Variants in PSIP1 observed in about 807,000 individuals in gnomAD.
PSIP1 encodes PC4 and SFRS1-interacting protein.
Under a neutral mutation model 74.7 loss-of-function variants are expected in PSIP1, and 19 were observed. The ratio of observed to expected loss-of-function variants is 0.25; its 90% confidence interval spans 0.18 to 0.37. PSIP1 has a LOEUF of 0.37. Ranked by LOEUF, PSIP1 falls within the 10% of genes least tolerant of loss-of-function variation. The probability of loss-of-function intolerance (pLI) is 1.00; values close to 1 mark genes in which losing one functional copy is unlikely to be tolerated. For missense variants in PSIP1, 601 were observed against 614.3 expected (o/e 0.98, Z 0.23); for synonymous variants, 222 against 195.3 (o/e 1.14, Z -1.14).
At chr9:15,482,027 A>T (rs1400580035) in intron 6 of PSIP1, among the ~76,000 whole-genome samples, 1 of 152,172 alleles carries the variant, frequency 6.6e-6, no homozygotes, top group African/African-American at 2.4e-5. Flanking sequence ...TATTTCTTCC[A>T]TATTTTACTT....
chr9:15,464,421 C>T lies in PSIP1; in HGVS notation c.*1099G>A, dbSNP rs958414995. The T allele has an allele frequency of 1.0e-5, 2 of 197,910 alleles. No homozygotes were observed. The highest frequency in any genetic ancestry group is 2.1e-5 in the Non-Finnish European group (2 of 95,718). The allele number at this position is 197,910 out of a possible 1,614,324, so 12.3% of individuals were successfully genotyped here. A position where few individuals can be genotyped will look rare whatever the true frequency, so the allele number is the denominator to read the frequency against. Reference sequence around the variant, plus strand: ...ATTCAAAATATCTTAGAAATGCTATCCTTTAGTTAACATACCCTTAAATTT... The same window carrying T: ...ATTCAAAATATCTTAGAAATGCTATTCTTTAGTTAACATACCCTTAAATTT... On this transcript the variant is annotated 3_prime_UTR_variant, in exon 16 of 16. Coordinates refer to ENST00000380733, the MANE Select transcript of PSIP1 (RefSeq NM_033222.5).
rs762451358 is a variant in PSIP1, at chr9:15,471,342, G to T, written c.977+1290C>A. 5.1e-6 allele frequency: 8 copies of T among 1,564,918 alleles called. No individual in the cohort carries two copies. In the South Asian group the frequency reaches 9.0e-5, roughly 18 times the overall value. ...CAAGTACAAAGTTTTGTAATAACAGGAGAAGGAAAGAAAACACAAATATTA... is the reference window on the plus strand; with the variant it reads ...CAAGTACAAAGTTTTGTAATAACAGTAGAAGGAAAGAAAACACAAATATTA... On this transcript the variant is annotated intron_variant, in intron 10 of 15. Coordinates refer to ENST00000380733, the MANE Select transcript of PSIP1 (RefSeq NM_033222.5).
chr9:15,472,064 C>T lies in PSIP1; in HGVS notation c.977+568G>A, dbSNP rs142959826. 9,097 of 977,686 alleles carry T rather than the reference C, an allele frequency of 9.3e-3. 51 individuals are homozygous for T. The highest frequency in any genetic ancestry group is 0.01 in the Non-Finnish European group (8,545 of 823,120). 60.6% of individuals were successfully genotyped at this position (977,686 alleles called of 1,614,324 possible). On this transcript the variant is annotated intron_variant, in intron 10 of 15. Transcript: ENST00000380733. ...ATTATATAGTAAGGGGAAAGAAATT[C>T]CCCATGGCAAGTCCTGTCTCTATAA...
intron 6 of PSIP1, 26 bp from the exon 7 acceptor site, chr9:15,479,713 T>C: frequency 3.1e-6 from 5 of 1,588,028 alleles, no homozygotes; most frequent in Middle Eastern, 1.7e-4. Context: ...TTAATTAACT[T>C]ATTTAGCAAA....
chr9:15,491,305 A>T (rs1032683754), intron 3 of PSIP1, among the ~76,000 whole-genome samples: 3 of 152,240 alleles, frequency 2.0e-5, no homozygotes, highest in Non-Finnish European at 4.4e-5. Flanking sequence ...ATGGCAATAA[A>T]CAGACTGCAA....
chr9:15,467,151 A>T (rs1355846770), intron 14 of PSIP1, among the ~76,000 whole-genome samples: 2 of 152,224 alleles, frequency 1.3e-5, no homozygotes, highest in Non-Finnish European at 2.9e-5. Context: ...TAATCTGATT[A>T]TTCTGGTTGT....
In PSIP1 at chr9:15,504,135, A is replaced by T. The variant is rs374463007; in HGVS notation, c.149+2426T>A. Reference sequence around the variant, plus strand: ...TTTTCCAAAGATAAATGGTATAATCATAAGAACACTAAGGCAAAAACCAAG... The same window carrying T: ...TTTTCCAAAGATAAATGGTATAATCTTAAGAACACTAAGGCAAAAACCAAG... On this transcript the variant is annotated intron_variant, in intron 3 of 15. Transcript: ENST00000380733. Among the ~76,000 whole-genome samples, 5 of 152,340 alleles carry T rather than the reference A, an allele frequency of 3.3e-5. No individual in the cohort carries two copies. In the East Asian group the frequency reaches 7.7e-4, roughly 23 times the overall value.
At chr9:15,471,525 C>A (rs558851575) in intron 10 of PSIP1, 2 of 976,220 alleles carry the variant, frequency 2.0e-6, no homozygotes, top group Non-Finnish European at 2.4e-6. Context: ...AACAAACAGT[C>A]CAACAGCTTT....
chr9:15,494,033 A>G (rs555597874), intron 3 of PSIP1, among the ~76,000 whole-genome samples: 4 of 152,318 alleles, frequency 2.6e-5, no homozygotes, highest in Non-Finnish European at 4.4e-5. Flanking sequence ...GTATGTTGAT[A>G]ATTTTACTAT....
Position 15,471,714 on chromosome 9 carries a change from A to G in PSIP1, c.977+918T>C, listed in dbSNP as rs546179101. On this transcript the variant is annotated intron_variant, in intron 10 of 15. Coordinates refer to ENST00000380733, the MANE Select transcript of PSIP1 (RefSeq NM_033222.5). Reference sequence around the variant, plus strand: ...ATCCTCCAAACTAAGAAAGCAGAGTAAAACGCTGTACTTGTCAAGAAAGAC... The same window carrying G: ...ATCCTCCAAACTAAGAAAGCAGAGTGAAACGCTGTACTTGTCAAGAAAGAC... The G allele has an allele frequency of 5.2e-6, 5 of 965,862 alleles. No homozygotes were observed. In the African/African-American group the frequency reaches 8.8e-5, roughly 17 times the overall value. 59.8% of individuals were successfully genotyped at this position (965,862 alleles called of 1,614,324 possible).
In PSIP1 at chr9:15,465,375, C is replaced by CT; in HGVS notation, c.*144dup. On this transcript the variant is annotated 3_prime_UTR_variant, in exon 16 of 16. Coordinates refer to ENST00000380733, the MANE Select transcript of PSIP1 (RefSeq NM_033222.5). ...ACACTTAGCGATAATGTTTACTTTA[C>CT]TTTAAAACAAAGGGATTTTCTCCCT... The CT allele has an allele frequency of 1.5e-6, 1 of 679,310 alleles. No homozygotes were observed. The highest frequency in any genetic ancestry group is 2.5e-6 in the Non-Finnish European group (1 of 404,892). The allele number at this position is 679,310 out of a possible 1,614,324, so 42.1% of individuals were successfully genotyped here. A position where few individuals can be genotyped will look rare whatever the true frequency, so the allele number is the denominator to read the frequency against.
At chr9:15,503,951 T>C (rs932559829) in intron 3 of PSIP1, among the ~76,000 whole-genome samples, 3 of 152,132 alleles carry the variant, frequency 2.0e-5, no homozygotes, top group African/African-American at 4.8e-5. Context: ...TTCACTATAT[T>C]GGCCAAAGTG....
chr9:15,509,146 T>C (rs2037734169), intron 2 of PSIP1, among the ~76,000 whole-genome samples: 1 of 152,218 alleles, frequency 6.6e-6, no homozygotes, highest in African/African-American at 2.4e-5. Flanking sequence ...CTACAGAATT[T>C]AATTATTTTT....
intron 3 of PSIP1, among the ~76,000 whole-genome samples, chr9:15,492,731 A>G (rs1586835737): frequency 6.9e-6 from 1 of 144,892 alleles, no homozygotes; most frequent in Non-Finnish European, 1.5e-5. Flanking sequence ...GCATTTCCAC[A>G]TGTCTTCTGA....
At chr9:15,478,591 TTC>T (rs1563875319) in intron 7 of PSIP1, 39 bp from the exon 8 acceptor site, 2 of 1,313,426 alleles carry the variant, frequency 1.5e-6, no homozygotes, top group Non-Finnish European at 2.2e-6. Context: ...AACTACTAGT[TTC>T]TATTTAAGAT....
chr9:15,467,379 G>A (rs1308057917), intron 14 of PSIP1, among the ~76,000 whole-genome samples: 3 of 152,156 alleles, frequency 2.0e-5, no homozygotes, highest in Non-Finnish European at 4.4e-5. Context: ...CCCCAATAAA[G>A]CAACAAAAAC....
intron 2 of PSIP1, among the ~76,000 whole-genome samples, chr9:15,507,638 T>TA (rs1008039932): frequency 1.3e-3 from 197 of 151,038 alleles, no homozygotes; most frequent in African/African-American, 4.0e-3. Context: ...ATCCTGTCTT[T>TA]AAAAAAAACA....
chr9:15,476,764 T>C (rs1407931541), intron 8 of PSIP1, among the ~76,000 whole-genome samples: 3 of 152,088 alleles, frequency 2.0e-5, no homozygotes, highest in Admixed American at 2.0e-4. Flanking sequence ...TAAACACACA[T>C]ACAAAAGTAT....
At chr9:15,504,113 T>C (rs2037472752) in intron 3 of PSIP1, among the ~76,000 whole-genome samples, 1 of 152,176 alleles carries the variant, frequency 6.6e-6, no homozygotes, top group Non-Finnish European at 1.5e-5. Context: ...GCACTGCTTT[T>C]CCAAAGATAA....
Sources: gnomAD v4.1 joint callset for allele counts (sites outside exome capture counted in the v4.1 genomes callset) on GRCh38, gnomAD v4.1.1 for gene constraint, MANE v1.5 for transcripts, NCBI Gene and HGNC (gene_info 2026-07-23, HGNC 2026-07-21) for gene names.